Variants in CCSER1 observed in about 807,000 individuals in gnomAD.
The protein encoded by CCSER1 is serine-rich coiled-coil domain-containing protein 1.
A neutral mutation model predicts 82.0 loss-of-function variants in CCSER1; 41 were observed. That is an observed-to-expected ratio of 0.50 (90% CI 0.39 to 0.65). The LOEUF is 0.65. Among genes scored for constraint, CCSER1 ranks in the 30% least tolerant of loss-of-function variants. CCSER1 has a pLI of 0.00. For missense variants in CCSER1, 1,119 were observed against 1,064.2 expected (o/e 1.05, Z -0.72); for synonymous variants, 414 against 383.9 (o/e 1.08, Z -0.92).
intron 10 of CCSER1, among the ~76,000 whole-genome samples, chr4:91,140,171 T>C (rs1227750493): frequency 6.6e-6 from 1 of 151,966 alleles, no homozygotes; most frequent in African/African-American, 2.4e-5. Flanking sequence ...TTAATATATA[T>C]TAGAAAAATT....
intron 1 of CCSER1, among the ~76,000 whole-genome samples, chr4:90,270,994 C>T (rs150950174): frequency 8.9e-4 from 135 of 152,084 alleles, no homozygotes; most frequent in Non-Finnish European, 1.2e-3. Context: ...TGGATAAGGA[C>T]ACAAGAAAAT....
chr4:91,471,141 T>C (rs1163526216), intron 10 of CCSER1, among the ~76,000 whole-genome samples: 2 of 152,212 alleles, frequency 1.3e-5, no homozygotes, highest in Non-Finnish European at 2.9e-5. Flanking sequence ...CAACAATATT[T>C]GCTTCAGAGA....
At chr4:91,167,586 G>A (rs1732232972) in intron 10 of CCSER1, among the ~76,000 whole-genome samples, 1 of 152,176 alleles carries the variant, frequency 6.6e-6, no homozygotes, top group Non-Finnish European at 1.5e-5. Context: ...TCCGTAAATT[G>A]AATTGTGATT....
At position 91,504,247 on chromosome 4, in the gene CCSER1, AG is replaced by A. The variant is rs530731635; in HGVS notation, c.2218-94324del. On this transcript the variant is annotated intron_variant, in intron 10 of 10. Transcript: ENST00000509176. ...AAAGGGTATACATTTGAGAGTCAAAAGAATTGTTGTATCTAAGTGAAACTTT... is the reference window on the plus strand; with the variant it reads ...AAAGGGTATACATTTGAGAGTCAAAAAATTGTTGTATCTAAGTGAAACTTT... Among the ~76,000 whole-genome samples the A allele has an allele frequency of 3.7e-3, 560 of 152,338 alleles. 3 individuals carry two copies. Among genetic ancestry groups the A allele is most frequent in the African/African-American group, 0.013 (528 of 41,582 alleles).
chr4:90,933,415 C>T (rs1474151558), intron 9 of CCSER1, among the ~76,000 whole-genome samples: 1 of 151,688 alleles, frequency 6.6e-6, no homozygotes, highest in African/African-American at 2.4e-5. Flanking sequence ...TCTCAATCTC[C>T]TGACCTCATG....
At chr4:90,494,762 A>G (rs762214997) in intron 5 of CCSER1, among the ~76,000 whole-genome samples, 1 of 152,150 alleles carries the variant, frequency 6.6e-6, no homozygotes, top group Non-Finnish European at 1.5e-5. Context: ...CTATTACTAA[A>G]TCAACTCCCT....
intron 10 of CCSER1, among the ~76,000 whole-genome samples, chr4:91,306,863 T>A (rs1179190360): frequency 1.3e-5 from 2 of 152,002 alleles, no homozygotes; most frequent in East Asian, 3.9e-4. Flanking sequence ...GTCATTTTAT[T>A]CCTTTTGTTT....
chr4:91,345,458 C>T (rs1747992146), intron 10 of CCSER1, among the ~76,000 whole-genome samples: 1 of 152,058 alleles, frequency 6.6e-6, no homozygotes, highest in African/African-American at 2.4e-5. Context: ...AAATTATTTT[C>T]AATGAATAAG....
intron 1 of CCSER1, among the ~76,000 whole-genome samples, chr4:90,195,086 G>A (rs1054138808): frequency 1.2e-4 from 18 of 152,000 alleles, no homozygotes; most frequent in Non-Finnish European, 2.6e-4. Flanking sequence ...CAATAAAAGG[G>A]AAGCTTAAAA....
intron 7 of CCSER1, among the ~76,000 whole-genome samples, chr4:90,803,374 C>T (rs772832183): frequency 1.3e-5 from 2 of 151,920 alleles, no homozygotes; most frequent in South Asian, 2.1e-4. Context: ...CCCCCACCCC[C>T]TGACAGGCCT....
intron 10 of CCSER1, among the ~76,000 whole-genome samples, chr4:91,506,831 G>A (rs552726329): frequency 1.6e-4 from 25 of 152,136 alleles, no homozygotes; most frequent in South Asian, 1.2e-3. Flanking sequence ...AAACCCTGGC[G>A]AATTTACTTT....
chr4:90,203,048 T>G (rs1738068857), intron 1 of CCSER1, among the ~76,000 whole-genome samples: 1 of 152,188 alleles, frequency 6.6e-6, no homozygotes, highest in Non-Finnish European at 1.5e-5. Context: ...TATAATTACT[T>G]AACACTCACA....
chr4:91,295,164 A>T (rs1033163147), intron 10 of CCSER1, among the ~76,000 whole-genome samples: 1 of 152,012 alleles, frequency 6.6e-6, no homozygotes, highest in Non-Finnish European at 1.5e-5. Flanking sequence ...AATATGATTT[A>T]AGCTATCTAA....
chr4:90,935,469 A>C (rs1203655898), intron 9 of CCSER1, among the ~76,000 whole-genome samples: 1 of 152,148 alleles, frequency 6.6e-6, no homozygotes, highest in African/African-American at 2.4e-5. Context: ...AGCCAAATAA[A>C]CCTTTTTTAA....
At chr4:91,456,155 T>G (rs1048786534) in intron 10 of CCSER1, among the ~76,000 whole-genome samples, 1 of 152,044 alleles carries the variant, frequency 6.6e-6, no homozygotes, top group Non-Finnish European at 1.5e-5. Context: ...AGGGTTCTCC[T>G]GTGGGTTGCA....
chr4:91,330,618 C>G (rs1746885497), intron 10 of CCSER1, among the ~76,000 whole-genome samples: 1 of 152,152 alleles, frequency 6.6e-6, no homozygotes, highest in Admixed American at 6.6e-5. Flanking sequence ...GAAATAAAAA[C>G]TCTTCATTAT....
At chr4:90,548,540 C>T (rs1777066235) in intron 5 of CCSER1, among the ~76,000 whole-genome samples, 1 of 151,986 alleles carries the variant, frequency 6.6e-6, no homozygotes. Context: ...CACCAAACAT[C>T]GTGAAGGTGC....
chr4:91,570,967 C>CT (rs1439358302), intron 10 of CCSER1, among the ~76,000 whole-genome samples: 1 of 152,138 alleles, frequency 6.6e-6, no homozygotes, highest in African/African-American at 2.4e-5. Flanking sequence ...ATCAGATACT[C>CT]TAAATCATCT....
intron 10 of CCSER1, among the ~76,000 whole-genome samples, chr4:91,351,528 ATACT>A (rs1748468902): frequency 6.6e-6 from 1 of 152,080 alleles, no homozygotes; most frequent in Admixed American, 6.6e-5. Flanking sequence ...GTATACAAAA[ATACT>A]TACTTATAAA....
Sources: gnomAD v4.1 joint callset for allele counts (sites outside exome capture counted in the v4.1 genomes callset) on GRCh38, gnomAD v4.1.1 for gene constraint, MANE v1.5 for transcripts, NCBI Gene and HGNC (gene_info 2026-07-23, HGNC 2026-07-21) for gene names.